The following LRR1 variants were observed in gnomAD, a reference collection of about 807,000 sequenced individuals.
LRR1 encodes the protein leucine rich repeat protein 1, also known as leucine-rich repeat protein 1.
In LRR1, 29 loss-of-function variants were observed where a neutral mutation model predicts 31.6. That is an observed-to-expected ratio of 0.92 (90% CI 0.68 to 1.25). The LOEUF is 1.25. Ranked by LOEUF, LRR1 falls within the 50% of genes most tolerant of loss-of-function variation. The pLI, the probability that LRR1 is intolerant of heterozygous loss-of-function variation, is 0.00. For synonymous variants in LRR1, 179 were observed against 181.4 expected, an observed-to-expected ratio of 0.99 and a Z score of 0.10; for missense variants, 485 against 487.2, an observed-to-expected ratio of 1.00 and a Z score of 0.04.
intron 2 of LRR1, chr14:49,603,702 TTTTTTTAATG>T (rs1882172227): frequency 1.2e-6 from 1 of 866,154 alleles, no homozygotes; most frequent in African/African-American, 3.8e-5. Context: ...TTTTTTTTTT[TTTTTTTAATG>T]AGACAGAGTC....
chr14:49,603,139 T>G (rs747905298), intron 2 of LRR1, among the ~76,000 whole-genome samples: 14 of 152,080 alleles, frequency 9.2e-5, no homozygotes, highest in Non-Finnish European at 1.9e-4. Flanking sequence ...GCCACTGTGC[T>G]CAGCCTGGCC....
At chr14:49,606,619 G>A (rs1882292986) in intron 2 of LRR1, among the ~76,000 whole-genome samples, 1 of 150,820 alleles carries the variant, frequency 6.6e-6, no homozygotes, top group African/African-American at 2.4e-5. Context: ...GATTATAGGC[G>A]TGAGTCACTA....
chr14:49,599,805 G>GGCA (rs1339405266), intron 1 of LRR1, among the ~76,000 whole-genome samples: 2 of 146,408 alleles, frequency 1.4e-5, no homozygotes, highest in Non-Finnish European at 3.0e-5. Flanking sequence ...CCGCGGCGGC[G>GGCA]GCAGCGCCGC....
At chr14:49,610,251 T>TG (rs2139550570) in intron 3 of LRR1, among the ~76,000 whole-genome samples, 1 of 150,478 alleles carries the variant, frequency 6.6e-6, no homozygotes, top group South Asian at 2.1e-4. Context: ...TTGAGGGTTT[T>TG]TTTTTTTTTT....
intron 2 of LRR1, among the ~76,000 whole-genome samples, chr14:49,605,116 A>G (rs1161262442): frequency 6.6e-6 from 1 of 152,096 alleles, no homozygotes. Context: ...GCTGGTCTCA[A>G]ACTCCTGGGC....
At chr14:49,606,374 T>G (rs1882283044) in intron 2 of LRR1, among the ~76,000 whole-genome samples, 1 of 152,086 alleles carries the variant, frequency 6.6e-6, no homozygotes, top group African/African-American at 2.4e-5. Context: ...GTTTCACTTG[T>G]GTCGCCCAGG....
Position 49,599,104 on chromosome 14 carries a change from C to T in LRR1, c.84C>T (p.Ala28=). ...GLRNRGKGVR[A]VLSLCQQTSR... ...GGAACCGGGGCAAGGGCGTCCGAGC[C>T]GTGTTGAGCCTCTGTCAGCAGACTT... Residue 28 remains alanine (A), a synonymous_variant, in exon 1 of 4, where the codon GCC becomes GCT. Coordinates refer to ENST00000298288, the MANE Select transcript of LRR1 (RefSeq NM_152329.4). 6.2e-7 allele frequency: 1 copy of T among 1,608,288 alleles called. No individual in the cohort carries two copies. The highest frequency in any genetic ancestry group is 8.5e-7 in the Non-Finnish European group (1 of 1,177,680).
At chr14:49,599,279 T>A in intron 1 of LRR1, 76 bp downstream of exon 1, 3 of 1,434,704 alleles carry the variant, frequency 2.1e-6, no homozygotes, top group Non-Finnish European at 2.8e-6. Context: ...TCGGTCCTCA[T>A]GCTCCCGGCT....
At chr14:49,606,927 G>C (rs1204919381) in intron 2 of LRR1, among the ~76,000 whole-genome samples, 2 of 152,158 alleles carry the variant, frequency 1.3e-5, no homozygotes, top group African/African-American at 4.8e-5. Context: ...AAAGTGCTGG[G>C]ATTACAGGCG....
intron 2 of LRR1, chr14:49,603,481 C>A: frequency 2.7e-6 from 1 of 364,874 alleles, no homozygotes; most frequent in Non-Finnish European, 4.0e-6. Flanking sequence ...CAATTAGAAC[C>A]ATCTTGTATT....
Position 49,614,272 on chromosome 14 carries a change from C to G in LRR1, c.1021C>G (p.His341Asp). 6.2e-7 allele frequency: 1 copy of G among 1,612,928 alleles called. No individual in the cohort carries two copies. ...TTCCAATAGGATTCCATATGGCTCTCATATCATTCCATTCCATCTCTGCCA... is the reference window on the plus strand; with the variant it reads ...TTCCAATAGGATTCCATATGGCTCTGATATCATTCCATTCCATCTCTGCCA... The part of the protein sequence containing the change: ...ILHNRIPYGS[H>D]IIPFHLCQDL... Residue 341 changes from histidine (H) to aspartate (D), a missense_variant, in exon 4 of 4, where the codon CAT becomes GAT. His to Asp is a moderately conservative substitution (Grantham distance 81). Around this residue, in one of 3 missense-constraint regions of LRR1, gnomAD observed 210 missense variants for 200.4 expected, o/e 1.05. Transcript: ENST00000298288.
chr14:49,599,237 G>C (rs1434295522), intron 1 of LRR1, 34 bp downstream of exon 1: 1 of 1,546,408 alleles, frequency 6.5e-7, no homozygotes, highest in East Asian at 2.4e-5. Flanking sequence ...TCAGTCTCGC[G>C]TTCTTCTTGG....
chr14:49,614,173 AT>A, intron 3 of LRR1, 82 bp from the exon 4 acceptor site: 1 of 1,372,314 alleles, frequency 7.3e-7, no homozygotes, highest in Non-Finnish European at 9.8e-7. Context: ...TTTACTTTTC[AT>A]TGTTAAAATT....
At chr14:49,603,409 A>C (rs1348805161) in intron 2 of LRR1, 1 of 179,952 alleles carries the variant, frequency 5.6e-6, no homozygotes, top group Non-Finnish European at 1.1e-5. Context: ...ACAGGTCTAC[A>C]TTTTGCCAGC....
chr14:49,600,677 C>G, intron 1 of LRR1: 1 of 1,333,272 alleles, frequency 7.5e-7, no homozygotes. Context: ...AATGCTGCAG[C>G]TATACCCAGA....
At chr14:49,613,489 A>G (rs1432393565) in intron 3 of LRR1, among the ~76,000 whole-genome samples, 4 of 149,218 alleles carry the variant, frequency 2.7e-5, no homozygotes, top group African/African-American at 1.0e-4. Flanking sequence ...TGGGCAACAG[A>G]GTGAGACTCC....
chr14:49,611,649 G>T (rs774016441), intron 3 of LRR1, among the ~76,000 whole-genome samples: 1 of 152,216 alleles, frequency 6.6e-6, no homozygotes, highest in Non-Finnish European at 1.5e-5. Context: ...AAGGCTGGGC[G>T]CAGTGGCTCA....
At chr14:49,603,538 T>C (rs1311720318) in intron 2 of LRR1, 2 of 274,508 alleles carry the variant, frequency 7.3e-6, no homozygotes, top group African/African-American at 2.3e-5. Context: ...TTTTTTTTTT[T>C]TTTTTTTTTT....
At chr14:49,599,956 G>C in intron 1 of LRR1, 1 of 1,522,790 alleles carries the variant, frequency 6.6e-7, no homozygotes, top group East Asian at 2.4e-5. Flanking sequence ...CGGGGGCTCC[G>C]GGGGGACCAT....
Sources: allele counts gnomAD v4.1 joint callset (sites outside exome capture counted in the v4.1 genomes callset), GRCh38; gene constraint gnomAD v4.1.1; regional missense constraint gnomAD v4.1.1; transcripts MANE v1.5; gene names NCBI Gene and HGNC (gene_info 2026-07-23, HGNC 2026-07-21).